EPHA5: variants seen among roughly 807,000 people sequenced by gnomAD.
EPHA5 encodes ephrin type-A receptor 5.
In EPHA5, 60 loss-of-function variants were observed where a neutral mutation model predicts 105.0. The observed-to-expected ratio is 0.57, with a 90% CI of 0.46 to 0.71. The LOEUF (loss-of-function observed/expected upper bound fraction) is 0.71, where lower values mean the gene tolerates loss of function less well. Ranked by LOEUF, EPHA5 falls within the 30% of genes least tolerant of loss-of-function variation. The probability of loss-of-function intolerance (pLI) is 0.00; values close to 1 mark genes in which losing one functional copy is unlikely to be tolerated. For missense variants in EPHA5, 1,218 were observed against 1,274.7 expected (o/e 0.96, Z 0.68); for synonymous variants, 513 against 449.1 (o/e 1.14, Z -1.80).
intron 16 of EPHA5, among the ~76,000 whole-genome samples, chr4:65,327,341 C>A (rs1377734630): frequency 6.6e-6 from 1 of 151,100 alleles, no homozygotes; most frequent in Non-Finnish European, 1.5e-5. Flanking sequence ...CTGATTATCC[C>A]TTGAGATGAA....
chr4:65,432,872 T>C (rs1725111357), intron 5 of EPHA5, among the ~76,000 whole-genome samples: 1 of 151,578 alleles, frequency 6.6e-6, no homozygotes, highest in Admixed American at 6.6e-5. Context: ...TATATAAAAA[T>C]ACATTTGTAA....
At chr4:65,605,369 C>T (rs781005544) in intron 2 of EPHA5, among the ~76,000 whole-genome samples, 5 of 152,170 alleles carry the variant, frequency 3.3e-5, no homozygotes, top group African/African-American at 4.8e-5. Context: ...CCATCTGCCT[C>T]TCATTGCTCT....
intron 3 of EPHA5, among the ~76,000 whole-genome samples, chr4:65,596,078 A>G (rs68039454): frequency 0.25 from 38,364 of 152,120 alleles, 5,020 homozygotes; most frequent in African/African-American, 0.27. Flanking sequence ...TTCAAATTCA[A>G]TTGGTCACAT....
intron 5 of EPHA5, among the ~76,000 whole-genome samples, chr4:65,468,494 TACAC>T (rs925360520): frequency 4.2e-5 from 6 of 142,568 alleles, no homozygotes; most frequent in African/African-American, 1.5e-4. Context: ...ATGGTATGTA[TACAC>T]ACACACACAC....
chr4:65,365,233 C>A (rs1717752719), intron 10 of EPHA5, 31 bp from the exon 11 acceptor site: 1 of 1,596,806 alleles, frequency 6.3e-7, no homozygotes, highest in Non-Finnish European at 8.6e-7. Flanking sequence ...AATGCAAAAA[C>A]TCATTTGAAA....
chr4:65,443,624 A>G (rs1578129678), intron 5 of EPHA5, among the ~76,000 whole-genome samples: 1 of 152,164 alleles, frequency 6.6e-6, no homozygotes, highest in East Asian at 1.9e-4. Context: ...CCTAAAGAAG[A>G]CCGAGGCTAG....
intron 3 of EPHA5, among the ~76,000 whole-genome samples, chr4:65,546,928 G>A (rs773480690): frequency 1.7e-4 from 26 of 151,744 alleles, no homozygotes; most frequent in Non-Finnish European, 2.5e-4. Flanking sequence ...ACATGTACGC[G>A]TAATACATTC....
At chr4:65,588,370 G>T (rs1329977891) in intron 3 of EPHA5, among the ~76,000 whole-genome samples, 1 of 151,836 alleles carries the variant, frequency 6.6e-6, no homozygotes, top group Non-Finnish European at 1.5e-5. Flanking sequence ...ATTCCCTTTG[G>T]CCTACTTTTG....
At chr4:65,387,855 T>C (rs1041658346) in intron 8 of EPHA5, among the ~76,000 whole-genome samples, 1 of 151,740 alleles carries the variant, frequency 6.6e-6, no homozygotes, top group Non-Finnish European at 1.5e-5. Context: ...TTAGGGTACA[T>C]GTGCACAATG....
intron 3 of EPHA5, among the ~76,000 whole-genome samples, chr4:65,570,197 A>C (rs970193883): frequency 6.6e-6 from 1 of 151,846 alleles, no homozygotes; most frequent in Admixed American, 6.6e-5. Context: ...TCCTAACTAC[A>C]CTCACTCTTA....
At chr4:65,649,008 AT>A (rs1257168479) in intron 1 of EPHA5, among the ~76,000 whole-genome samples, 1 of 152,192 alleles carries the variant, frequency 6.6e-6, no homozygotes, top group Non-Finnish European at 1.5e-5. Flanking sequence ...TGTTATGTAG[AT>A]TTCTGGCATC....
At chr4:65,554,513 G>A (rs1026930016) in intron 3 of EPHA5, among the ~76,000 whole-genome samples, 5 of 150,950 alleles carry the variant, frequency 3.3e-5, no homozygotes, top group African/African-American at 1.2e-4. Context: ...AAATCTGATA[G>A]TTGAGGAAAA....
At chr4:65,573,841 A>G in intron 3 of EPHA5, 1 of 1,613,660 alleles carries the variant, frequency 6.2e-7, no homozygotes, top group Non-Finnish European at 8.5e-7. Flanking sequence ...CTGTTGAGCC[A>G]CGGCAAAAAA....
At chr4:65,530,376 C>T (rs576834447) in intron 3 of EPHA5, among the ~76,000 whole-genome samples, 1 of 151,454 alleles carries the variant, frequency 6.6e-6, no homozygotes, top group Admixed American at 6.6e-5. Context: ...GCAGAAAATA[C>T]TAAGCTATCG....
intron 14 of EPHA5, among the ~76,000 whole-genome samples, chr4:65,346,412 T>C (rs28779789): frequency 0.011 from 1,599 of 152,144 alleles, 26 homozygotes; most frequent in African/African-American, 0.037. Context: ...TTTCCTGTTT[T>C]TAAAGAAAGG....
intron 8 of EPHA5, among the ~76,000 whole-genome samples, chr4:65,374,505 A>G (rs1001503316): frequency 6.6e-6 from 1 of 151,978 alleles, no homozygotes; most frequent in African/African-American, 2.4e-5. Context: ...ATCAAAAATT[A>G]GAATCGCAGA....
At chr4:65,558,460 G>A (rs1738680250) in intron 3 of EPHA5, among the ~76,000 whole-genome samples, 1 of 152,058 alleles carries the variant, frequency 6.6e-6, no homozygotes, top group African/African-American at 2.4e-5. Flanking sequence ...TTTGAGATAT[G>A]TGTATCTGTG....
intron 3 of EPHA5, among the ~76,000 whole-genome samples, chr4:65,564,526 T>C (rs1739334875): frequency 6.6e-6 from 1 of 151,774 alleles, no homozygotes; most frequent in South Asian, 2.1e-4. Context: ...GTTTTTATTG[T>C]ATCATTTTAT....
At chr4:65,629,201 C>A (rs762529939) in intron 2 of EPHA5, among the ~76,000 whole-genome samples, 14 of 152,148 alleles carry the variant, frequency 9.2e-5, no homozygotes, top group Non-Finnish European at 1.8e-4. Context: ...TTCATATCTA[C>A]AACATGCTTC....
Sources: gnomAD v4.1 joint callset for allele counts (sites outside exome capture counted in the v4.1 genomes callset) on GRCh38, gnomAD v4.1.1 for gene constraint, MANE v1.5 for transcripts, NCBI Gene and HGNC (gene_info 2026-07-23, HGNC 2026-07-21) for gene names.